The following DGKD variants were observed in gnomAD, a reference collection of about 807,000 sequenced individuals.
DGKD encodes the protein diacylglycerol kinase delta, also known as DAG kinase delta.
In DGKD, 68 loss-of-function variants were observed where a neutral mutation model predicts 154.4. The observed-to-expected ratio is 0.44, with a 90% CI of 0.36 to 0.54. The LOEUF (loss-of-function observed/expected upper bound fraction) is 0.54, where lower values mean the gene tolerates loss of function less well. Ranked by LOEUF, DGKD falls within the 20% of genes least tolerant of loss-of-function variation. DGKD has a pLI of 0.00. For synonymous variants in DGKD, 693 were observed against 638.0 expected, an observed-to-expected ratio of 1.09 and a Z score of -1.30; for missense variants, 1,343 against 1,593.6, an observed-to-expected ratio of 0.84 and a Z score of 2.68.
intron 3 of DGKD, among the ~76,000 whole-genome samples, chr2:233,396,448 G>T (rs912928392): frequency 7.4e-5 from 5 of 67,170 alleles, no homozygotes; most frequent in Non-Finnish European, 1.1e-4. Context: ...CATGCTGAGT[G>T]CGGTGGGTAG....
chr2:233,383,627 A>G (rs1166672908), intron 1 of DGKD, among the ~76,000 whole-genome samples: 2 of 152,206 alleles, frequency 1.3e-5, no homozygotes, highest in Non-Finnish European at 2.9e-5. Context: ...TAGCGCACCC[A>G]GAGTCTGCCA....
chr2:233,398,432 A>G (rs1018072934), intron 3 of DGKD, among the ~76,000 whole-genome samples: 1 of 152,120 alleles, frequency 6.6e-6, no homozygotes, highest in Non-Finnish European at 1.5e-5. Context: ...GGTGTGAGCC[A>G]CCGCGCCCGG....
At chr2:233,415,151 C>T (rs1310266646) in intron 3 of DGKD, among the ~76,000 whole-genome samples, 2 of 152,222 alleles carry the variant, frequency 1.3e-5, no homozygotes, top group Non-Finnish European at 2.9e-5. Flanking sequence ...CACCCTCACA[C>T]AGGTAACAGT....
rs148970538 is a variant in DGKD at position 233,365,605 on chromosome 2, C to CT, written c.156+10932dup. 5.0e-3 allele frequency among the ~76,000 whole-genome samples: 756 copies of CT among 152,298 alleles called. 9 individuals are homozygous for CT. The highest frequency in any genetic ancestry group is 0.017 in the African/African-American group (713 of 41,552). ...ACACTGTACCTAACAATTGTAGAAT[C>CT]TAAGTTTTTTTCCAATGCACAGGCA... is the stretch of plus-strand genomic sequence containing the variant. On this transcript the variant is annotated intron_variant, in intron 1 of 29. Coordinates refer to ENST00000264057, the MANE Select transcript of DGKD (RefSeq NM_152879.3).
chr2:233,440,448 G>C lies in DGKD; in HGVS notation c.1086-1439G>C, dbSNP rs959289442. On this transcript the variant is annotated intron_variant, in intron 9 of 29. Coordinates refer to ENST00000264057, the MANE Select transcript of DGKD (RefSeq NM_152879.3). The surrounding 1 kb of genome is among the most constrained non-coding windows in gnomAD (Gnocchi z 4.9). ...GGGAATGGGTAGGAGCACACGCAGG[G>C]TCCCCCGGCACTTCAGTGGGGGTGA... 4.6e-5 allele frequency among the ~76,000 whole-genome samples: 7 copies of C among 152,182 alleles called. No homozygotes were observed. The highest frequency in any genetic ancestry group is 1.0e-4 in the Non-Finnish European group (7 of 68,044).
intron 24 of DGKD, 142 bp downstream of exon 24, chr2:233,460,487 T>A: frequency 9.0e-7 from 1 of 1,111,968 alleles, no homozygotes; most frequent in Non-Finnish European, 1.3e-6. Context: ...AGCCTGTTTA[T>A]GTGCCCTCAG....
chr2:233,359,504 T>TC (rs1342999011), intron 1 of DGKD, among the ~76,000 whole-genome samples: 1 of 151,532 alleles, frequency 6.6e-6, no homozygotes, highest in Non-Finnish European at 1.5e-5. Context: ...ATTTTTTTTT[T>TC]TTTTTATCCC....
chr2:233,462,517 C>G lies in DGKD; in HGVS notation c.3093+58C>G, dbSNP rs553156511. The G allele has an allele frequency of 9.0e-5, 139 of 1,547,840 alleles. No homozygotes were observed. In the African/African-American group the frequency reaches 1.7e-3, roughly 19 times the overall value. ...TTCTCAGTGTCTGCCGCCCTCGGCC[C>G]TCCCCGTGCGTGTTCATTCCCCCGC... On this transcript the variant is annotated intron_variant, in intron 25 of 29. Coordinates refer to ENST00000264057, the MANE Select transcript of DGKD (RefSeq NM_152879.3).
chr2:233,403,440 A>G (rs1031795644), intron 3 of DGKD, among the ~76,000 whole-genome samples: 3 of 151,690 alleles, frequency 2.0e-5, no homozygotes, highest in Non-Finnish European at 4.4e-5. Flanking sequence ...GGCGCCTGTA[A>G]TCCCAGCTAC....
chr2:233,363,510 AT>A (rs1330611669), intron 1 of DGKD, among the ~76,000 whole-genome samples: 1 of 152,234 alleles, frequency 6.6e-6, no homozygotes, highest in African/African-American at 2.4e-5. Context: ...TTAATTTGTT[AT>A]TGAAGAAAGA....
intron 7 of DGKD, 35 bp downstream of exon 7, chr2:233,436,476 G>C: frequency 2.5e-6 from 4 of 1,599,908 alleles, no homozygotes; most frequent in Non-Finnish European, 3.4e-6. Flanking sequence ...CTGGAGGGGA[G>C]GGCTTGCTCC....
chr2:233,456,826 T>G (rs954383552), intron 19 of DGKD, 73 bp from the exon 20 acceptor site: 7 of 1,174,640 alleles, frequency 6.0e-6, no homozygotes, highest in African/African-American at 1.5e-5. Context: ...GTTCCCAGCT[T>G]TCACAGAAAT....
intron 26 of DGKD, among the ~76,000 whole-genome samples, chr2:233,463,256 C>T (rs958477043): frequency 1.3e-5 from 2 of 152,112 alleles, no homozygotes; most frequent in African/African-American, 4.8e-5. Flanking sequence ...CTCCGCACGC[C>T]ACTCACCTCC....
At chr2:233,425,518 G>T (rs2062266256) in intron 3 of DGKD, among the ~76,000 whole-genome samples, 1 of 152,084 alleles carries the variant, frequency 6.6e-6, no homozygotes, top group South Asian at 2.1e-4. Context: ...CTCATTTTTG[G>T]ATTGGCAACA....
intron 3 of DGKD, among the ~76,000 whole-genome samples, chr2:233,392,658 A>G (rs188880819): frequency 6.6e-6 from 1 of 152,322 alleles, no homozygotes; most frequent in African/African-American, 2.4e-5. Flanking sequence ...GTTGTTTCTT[A>G]AGTTCGAGAG....
intron 3 of DGKD, among the ~76,000 whole-genome samples, chr2:233,401,051 G>A (rs1448631986): frequency 6.6e-6 from 1 of 151,930 alleles, no homozygotes; most frequent in South Asian, 2.1e-4. Context: ...TTTGATCTCT[G>A]AAAGTACGGG....
chr2:233,388,386 A>C lies in DGKD; in HGVS notation c.267+19A>C. The C allele has an allele frequency of 6.2e-7, 1 of 1,607,198 alleles. No individual in the cohort carries two copies. Among genetic ancestry groups the C allele is most frequent in the Non-Finnish European group, 8.5e-7 (1 of 1,176,948 alleles). On this transcript the variant is annotated intron_variant, in intron 2 of 29. Transcript: ENST00000264057. ...GGCAAAGGTGAGGCCCCATGCAGGAAAGCACACGCGAGGACATCACAGGAG... is the reference window on the plus strand; with the variant it reads ...GGCAAAGGTGAGGCCCCATGCAGGACAGCACACGCGAGGACATCACAGGAG...
intron 1 of DGKD, among the ~76,000 whole-genome samples, chr2:233,357,747 G>A (rs561828812): frequency 6.6e-6 from 1 of 152,006 alleles, no homozygotes; most frequent in East Asian, 1.9e-4. Context: ...ATGTTCCCCA[G>A]GCTGGTCTCA....
chr2:233,413,989 C>T (rs984732660), intron 3 of DGKD, among the ~76,000 whole-genome samples: 1 of 152,126 alleles, frequency 6.6e-6, no homozygotes, highest in Admixed American at 6.5e-5. Flanking sequence ...AGGGATAAAC[C>T]ACCTCTGAGC....
Sources: gnomAD v4.1 joint callset for allele counts (sites outside exome capture counted in the v4.1 genomes callset) on GRCh38, gnomAD v4.1.1 for gene constraint, Gnocchi (gnomAD v3.1) non-coding constraint, MANE v1.5 for transcripts, NCBI Gene and HGNC (gene_info 2026-07-23, HGNC 2026-07-21) for gene names.